Variants in CDH13 observed in about 807,000 individuals in gnomAD.
CDH13 encodes the protein cadherin-13.
Under a neutral mutation model 63.8 loss-of-function variants are expected in CDH13, and 24 were observed. The observed-to-expected ratio is 0.38, with a 90% confidence interval of 0.27 to 0.53. The LOEUF (loss-of-function observed/expected upper bound fraction) is 0.53. Ranked by LOEUF, CDH13 falls within the 20% of genes least tolerant of loss-of-function variation. The pLI is 0.85. For missense variants in CDH13, 1,049 were observed against 903.1 expected, an observed-to-expected ratio of 1.16 and a Z score of -2.07; for synonymous variants, 503 against 355.3, an observed-to-expected ratio of 1.42 and a Z score of -4.67.
intron 2 of CDH13, among the ~76,000 whole-genome samples, chr16:82,922,523 G>A (rs1217055825): frequency 6.6e-6 from 1 of 152,100 alleles, no homozygotes; most frequent in African/African-American, 2.4e-5. Flanking sequence ...CCTAATTCTG[G>A]CCTTGCCCCT....
At chr16:82,906,303 A>G (rs1045803115) in intron 2 of CDH13, among the ~76,000 whole-genome samples, 2 of 152,208 alleles carry the variant, frequency 1.3e-5, no homozygotes, top group African/African-American at 4.8e-5. Context: ...CATGGTGGCC[A>G]TGATGAGGAT....
At chr16:82,690,600 A>G (rs1344034094) in intron 1 of CDH13, among the ~76,000 whole-genome samples, 2 of 152,196 alleles carry the variant, frequency 1.3e-5, no homozygotes, top group African/African-American at 4.8e-5. Context: ...GCAAAGAGAC[A>G]CTTAAGAAAA....
intron 2 of CDH13, among the ~76,000 whole-genome samples, chr16:82,905,307 A>G (rs1399970815): frequency 6.6e-6 from 1 of 152,246 alleles, no homozygotes; most frequent in Non-Finnish European, 1.5e-5. Context: ...AATTTATAAT[A>G]TAACAAGATA....
chr16:83,368,938 A>ATATATATATATATG lies in CDH13; in HGVS notation c.781+23932_781+23933insTATATATATATATG, dbSNP rs60900726. 1.1e-4 allele frequency among the ~76,000 whole-genome samples: 6 copies of ATATATATATATATG among 55,432 alleles called. 1 individual carries two copies. The highest frequency in any genetic ancestry group is 1.7e-4 in the Non-Finnish European group (5 of 29,878). The allele number at this position is 55,432 out of a possible 152,430, so 36.4% of individuals were successfully genotyped here. On this transcript the variant is annotated intron_variant, in intron 6 of 13. Coordinates refer to ENST00000567109, the MANE Select transcript of CDH13 (RefSeq NM_001257.5). ...TATATATATATATATATATATATAT[A>ATATATATATATATG]CTAGGTTTTTTTAATCTGTTCATTG...
intron 2 of CDH13, among the ~76,000 whole-genome samples, chr16:82,910,746 A>C (rs2041805022): frequency 6.6e-6 from 1 of 152,196 alleles, no homozygotes; most frequent in Admixed American, 6.5e-5. Context: ...TATGATTCAC[A>C]GTGTTTAAAA....
chr16:83,761,788 C>T (rs1434110316), intron 11 of CDH13, among the ~76,000 whole-genome samples: 1 of 152,164 alleles, frequency 6.6e-6, no homozygotes, highest in Non-Finnish European at 1.5e-5. Flanking sequence ...TGCACTATAA[C>T]CAGCAAAGTG....
chr16:82,975,374 G>A (rs1309439998), intron 2 of CDH13, among the ~76,000 whole-genome samples: 2 of 152,184 alleles, frequency 1.3e-5, no homozygotes, highest in Non-Finnish European at 2.9e-5. Flanking sequence ...CAGGCAGTGT[G>A]GGGTCACAGT....
rs35385266 is a variant in CDH13 at position 82,714,884 on chromosome 16, G to C, written c.45+87747G>C. Among the ~76,000 whole-genome samples, 3 of 135,954 alleles carry C rather than the reference G, an allele frequency of 2.2e-5. No homozygotes were observed. The East Asian group carries it at 6.5e-4, about 29-fold the overall frequency. 89.2% of individuals were successfully genotyped at this position (135,954 alleles called of 152,430 possible). The stretch of plus-strand genomic sequence containing the variant: ...AACAGACTGCCATCTAGAGCCTTCA[G>C]AAAGGACATGACTTTTCTGACACTT... On this transcript the variant is annotated intron_variant, in intron 1 of 13. Coordinates refer to ENST00000567109, the MANE Select transcript of CDH13 (RefSeq NM_001257.5).
chr16:82,759,874 T>C (rs1233019092), intron 1 of CDH13, among the ~76,000 whole-genome samples: 1 of 152,108 alleles, frequency 6.6e-6, no homozygotes, highest in Non-Finnish European at 1.5e-5. Flanking sequence ...GATTCACCCT[T>C]TCCTTATAAC....
intron 3 of CDH13, among the ~76,000 whole-genome samples, chr16:83,056,998 C>T (rs2031012793): frequency 6.6e-6 from 1 of 152,076 alleles, no homozygotes; most frequent in South Asian, 2.1e-4. Context: ...GATGGAGTCT[C>T]ACTCTGTCGC....
intron 5 of CDH13, among the ~76,000 whole-genome samples, chr16:83,321,335 A>T (rs1313023314): frequency 6.6e-6 from 1 of 152,210 alleles, no homozygotes; most frequent in Non-Finnish European, 1.5e-5. Flanking sequence ...GGAATTAATT[A>T]GTATCACAGC....
At chr16:83,674,336 C>A (rs1015110634) in intron 9 of CDH13, among the ~76,000 whole-genome samples, 1 of 152,190 alleles carries the variant, frequency 6.6e-6, no homozygotes, top group African/African-American at 2.4e-5. Context: ...AAGCCCCAGG[C>A]ATCATATCTT....
intron 1 of CDH13, among the ~76,000 whole-genome samples, chr16:82,698,364 G>A (rs2030581332): frequency 6.6e-6 from 1 of 152,180 alleles, no homozygotes; most frequent in South Asian, 2.1e-4. Context: ...CTCTGTAGAT[G>A]GTGGGAAAAA....
intron 7 of CDH13, among the ~76,000 whole-genome samples, chr16:83,589,281 C>CCG (rs1188689280): frequency 1.6e-5 from 2 of 121,372 alleles, no homozygotes; most frequent in East Asian, 3.0e-4. Context: ...CTCCCTTTCC[C>CCG]CCCCCCGGAC....
chr16:82,845,313 A>T (rs2039211611), intron 1 of CDH13, among the ~76,000 whole-genome samples: 1 of 152,186 alleles, frequency 6.6e-6, no homozygotes, highest in African/African-American at 2.4e-5. Flanking sequence ...CCATAGGAGC[A>T]TTAACTCCCC....
chr16:83,545,568 C>T lies in CDH13; in HGVS notation c.961-56886C>T, dbSNP rs138712238. On this transcript the variant is annotated intron_variant, in intron 7 of 13. Transcript: ENST00000567109. ...ACCTGCCCCAGCCTCCAGTCCATTA[C>T]CCTTGCCTATTTTGTTGCAGTGATG... Among the ~76,000 whole-genome samples, 391 of 152,276 alleles carry T rather than the reference C, an allele frequency of 2.6e-3. 3 individuals carry two copies. Among genetic ancestry groups the T allele is most frequent in the African/African-American group, 8.8e-3 (365 of 41,558 alleles).
rs560459811 is a variant in CDH13, at chr16:82,999,508, G to C, written c.158-32502G>C. Among the ~76,000 whole-genome samples the C allele has an allele frequency of 4.0e-5, 6 of 151,686 alleles. No individual in the cohort carries two copies. In the South Asian group the frequency reaches 6.3e-4, roughly 16 times the overall value. On this transcript the variant is annotated intron_variant, in intron 2 of 13. Coordinates refer to ENST00000567109, the MANE Select transcript of CDH13 (RefSeq NM_001257.5). ...AATTCTTGATGATACCAAGATACGT[G>C]TTCAAGGCAACCATAAAACACTGGA...
At chr16:83,447,492 G>C (rs2072743873) in intron 6 of CDH13, among the ~76,000 whole-genome samples, 1 of 152,082 alleles carries the variant, frequency 6.6e-6, no homozygotes, top group African/African-American at 2.4e-5. Context: ...AAGCCCGCCA[G>C]TTAGACAAGG....
chr16:83,396,529 T>C (rs1038642580), intron 6 of CDH13: 18 of 152,172 alleles, frequency 1.2e-4, no homozygotes, highest in Non-Finnish European at 4.4e-5. Flanking sequence ...ATAATGACCT[T>C]ATTTTGAATT....
Sources: gnomAD v4.1 joint callset for allele counts (sites outside exome capture counted in the v4.1 genomes callset) on GRCh38, gnomAD v4.1.1 for gene constraint, MANE v1.5 for transcripts, NCBI Gene and HGNC (gene_info 2026-07-23, HGNC 2026-07-21) for gene names.